Variants in LDB2 observed in about 807,000 individuals in gnomAD.
LDB2 encodes LIM domain binding 2, also known as LIM domain-binding protein 2.
Under a neutral mutation model 44.3 loss-of-function variants are expected in LDB2, and 12 were observed. The ratio of observed to expected loss-of-function variants is 0.27; its 90% CI spans 0.17 to 0.44. The LOEUF (loss-of-function observed/expected upper bound fraction) is 0.44, where lower values mean the gene tolerates loss of function less well. Ranked by LOEUF, LDB2 falls within the 20% of genes least tolerant of loss-of-function variation. The probability of loss-of-function intolerance (pLI) is 1.00; values close to 1 mark genes in which losing one functional copy is unlikely to be tolerated. For synonymous variants in LDB2, 164 were observed against 174.8 expected (o/e 0.94, Z 0.49); for missense variants, 344 against 473.5 (o/e 0.73, Z 2.54).
intron 1 of LDB2, among the ~76,000 whole-genome samples, chr4:16,767,390 C>T (rs760045918): frequency 1.3e-5 from 2 of 152,042 alleles, no homozygotes; most frequent in African/African-American, 2.4e-5. Flanking sequence ...AGAAAGCAAA[C>T]GTAGGTTTTC....
chr4:16,664,545 A>C (rs139108661), intron 2 of LDB2, among the ~76,000 whole-genome samples: 1 of 152,032 alleles, frequency 6.6e-6, no homozygotes, highest in Admixed American at 6.6e-5. Context: ...GAACTGTGAA[A>C]GGGTTCTTGA....
At chr4:16,595,990 T>C (rs940481982) in intron 2 of LDB2, 115 bp from the exon 3 acceptor site, 2 of 1,034,890 alleles carry the variant, frequency 1.9e-6, no homozygotes, top group Middle Eastern at 2.9e-4. Context: ...CAAGAAACCA[T>C]ACCAGGAGGC....
chr4:16,797,697 C>T (rs777622569), intron 1 of LDB2, among the ~76,000 whole-genome samples: 20 of 151,870 alleles, frequency 1.3e-4, no homozygotes, highest in Admixed American at 3.3e-4. Context: ...AACTTTATCC[C>T]GTGAGCCAGA....
At chr4:16,868,621 T>A (rs942176581) in intron 1 of LDB2, among the ~76,000 whole-genome samples, 1 of 152,326 alleles carries the variant, frequency 6.6e-6, no homozygotes, top group Non-Finnish European at 1.5e-5. Context: ...TCTCTCCTCC[T>A]CTTTCACCCA....
chr4:16,606,737 A>T (rs1724051652), intron 2 of LDB2, among the ~76,000 whole-genome samples: 1 of 152,240 alleles, frequency 6.6e-6, no homozygotes, highest in Non-Finnish European at 1.5e-5. Context: ...AGAGAAGTAG[A>T]AAAGAAAATC....
intron 1 of LDB2, among the ~76,000 whole-genome samples, chr4:16,798,996 G>A (rs936989970): frequency 2.6e-5 from 4 of 152,030 alleles, no homozygotes; most frequent in African/African-American, 7.2e-5. Flanking sequence ...GACTACAGGC[G>A]CCCGCCACCA....
At chr4:16,781,448 A>T (rs73241049) in intron 1 of LDB2, among the ~76,000 whole-genome samples, 69 of 152,256 alleles carry the variant, frequency 4.5e-4, no homozygotes, top group Admixed American at 1.6e-3. Context: ...CAGCTGAGGG[A>T]GTCTGGAGGA....
chr4:16,631,631 A>G (rs1731972862), intron 2 of LDB2, among the ~76,000 whole-genome samples: 2 of 152,288 alleles, frequency 1.3e-5, no homozygotes, highest in South Asian at 4.1e-4. Flanking sequence ...CTTCAAAAAG[A>G]AACAATAAAT....
At chr4:16,675,168 C>G (rs1230849324) in intron 2 of LDB2, among the ~76,000 whole-genome samples, 1 of 152,158 alleles carries the variant, frequency 6.6e-6, no homozygotes, top group East Asian at 1.9e-4. Context: ...TTCCACTCAG[C>G]TTTCCCCAAT....
intron 2 of LDB2, among the ~76,000 whole-genome samples, chr4:16,749,565 A>AAT (rs1554000396): frequency 3.6e-5 from 5 of 138,714 alleles, no homozygotes; most frequent in East Asian, 2.3e-4. Context: ...TCTCAAAAAA[A>AAT]AAAAAAATAA....
intron 5 of LDB2, among the ~76,000 whole-genome samples, chr4:16,585,269 G>A (rs1467107283): frequency 6.6e-6 from 1 of 152,192 alleles, no homozygotes; most frequent in African/African-American, 2.4e-5. Flanking sequence ...GTTTCCCTCT[G>A]AGCAGAGACC....
chr4:16,879,917 G>A (rs1172966632), intron 1 of LDB2, among the ~76,000 whole-genome samples: 1 of 152,124 alleles, frequency 6.6e-6, no homozygotes, highest in Non-Finnish European at 1.5e-5. Context: ...GGAACACAGA[G>A]ACAATGATGT....
chr4:16,796,696 A>G (rs150448687), intron 1 of LDB2, among the ~76,000 whole-genome samples: 27 of 152,264 alleles, frequency 1.8e-4, no homozygotes, highest in African/African-American at 6.3e-4. Flanking sequence ...AAACCTGACA[A>G]ATACTAAGTC....
At chr4:16,571,222 C>G (rs866345163) in intron 5 of LDB2, among the ~76,000 whole-genome samples, 1 of 152,146 alleles carries the variant, frequency 6.6e-6, no homozygotes, top group Non-Finnish European at 1.5e-5. Flanking sequence ...GGTTCTCCTT[C>G]GAGGAGTGAC....
At chr4:16,573,505 A>C (rs1400974156) in intron 5 of LDB2, among the ~76,000 whole-genome samples, 3 of 152,248 alleles carry the variant, frequency 2.0e-5, no homozygotes, top group African/African-American at 7.2e-5. Flanking sequence ...GAACAGTTAT[A>C]GTAGTCTTAA....
At chr4:16,627,641 A>T (rs990015857) in intron 2 of LDB2, among the ~76,000 whole-genome samples, 14 of 152,308 alleles carry the variant, frequency 9.2e-5, no homozygotes, top group African/African-American at 3.1e-4. Context: ...AAGAGTCAGG[A>T]TTCCTGGTGT....
intron 2 of LDB2, among the ~76,000 whole-genome samples, chr4:16,632,620 T>A (rs1732313445): frequency 6.6e-6 from 1 of 152,114 alleles, no homozygotes; most frequent in Admixed American, 6.5e-5. Context: ...GGTATTCAAA[T>A]AGGAAGAGAG....
chr4:16,585,237 C>T (rs1271933595), intron 5 of LDB2, among the ~76,000 whole-genome samples: 2 of 152,172 alleles, frequency 1.3e-5, no homozygotes, highest in Non-Finnish European at 2.9e-5. Context: ...CGCCGTCCAC[C>T]CACACTCCTG....
intron 2 of LDB2, among the ~76,000 whole-genome samples, chr4:16,739,585 AAAAAATATATAT>A (rs1299266722): frequency 1.3e-5 from 1 of 77,270 alleles, no homozygotes; most frequent in Non-Finnish European, 2.4e-5. Flanking sequence ...AAAAAAAAAA[AAAAAATATATAT>A]ATATATATAT....
Sources: gnomAD v4.1 joint callset for allele counts (sites outside exome capture counted in the v4.1 genomes callset) on GRCh38, gnomAD v4.1.1 for gene constraint, MANE v1.5 for transcripts, NCBI Gene and HGNC (gene_info 2026-07-23, HGNC 2026-07-21) for gene names.